Variants in MEIS2 observed in about 807,000 individuals in gnomAD.
MEIS2 encodes the protein homeobox protein Meis2.
A neutral mutation model predicts 58.6 loss-of-function variants in MEIS2; 9 were observed. That is an observed-to-expected ratio of 0.15 (90% CI 0.09 to 0.27). The LOEUF (loss-of-function observed/expected upper bound fraction) is 0.27, where lower values mean the gene tolerates loss of function less well. Ranked by LOEUF, MEIS2 falls within the 10% of genes least tolerant of loss-of-function variation. MEIS2 has a pLI of 1.00. For missense variants in MEIS2, 427 were observed against 635.0 expected, an observed-to-expected ratio of 0.67 and a Z score of 3.52; for synonymous variants, 221 against 228.4, an observed-to-expected ratio of 0.97 and a Z score of 0.29.
At chr15:37,065,111 T>G (rs181786769) in intron 7 of MEIS2, among the ~76,000 whole-genome samples, 2 of 152,156 alleles carry the variant, frequency 1.3e-5, no homozygotes, top group Non-Finnish European at 2.9e-5. Flanking sequence ...AGTACTTACA[T>G]AGTCTCAATT....
At chr15:37,018,866 T>C (rs538369165) in intron 8 of MEIS2, among the ~76,000 whole-genome samples, 3 of 152,254 alleles carry the variant, frequency 2.0e-5, no homozygotes, top group South Asian at 4.1e-4. Flanking sequence ...GGCCAGGGAA[T>C]GGAGAAGTCT....
chr15:37,042,298 G>C (rs747593309), intron 7 of MEIS2, among the ~76,000 whole-genome samples: 7 of 152,214 alleles, frequency 4.6e-5, no homozygotes, highest in Non-Finnish European at 1.0e-4. Context: ...GATGTGCTAT[G>C]ATGAGTCTGA....
At chr15:37,094,386 G>A in intron 5 of MEIS2, 141 bp downstream of exon 5, 3 of 754,718 alleles carry the variant, frequency 4.0e-6, no homozygotes, top group South Asian at 2.0e-5. Flanking sequence ...GTTGAGAAGC[G>A]AGTTGAAGGA....
intron 1 of MEIS2, 45 bp from the exon 2 acceptor site, chr15:37,098,244 G>A: frequency 1.3e-6 from 2 of 1,515,600 alleles, no homozygotes; most frequent in Non-Finnish European, 1.8e-6. Flanking sequence ...AGGTGAGGGA[G>A]AACAGAGGAG....
intron 8 of MEIS2, among the ~76,000 whole-genome samples, chr15:36,952,926 T>TA (rs1567098954): frequency 6.6e-6 from 1 of 152,016 alleles, no homozygotes; most frequent in African/African-American, 2.4e-5. Context: ...CCACAATCAT[T>TA]AAAAAAATTG....
intron 2 of MEIS2, 134 bp downstream of exon 2, chr15:37,097,833 T>C (rs1209107593): frequency 7.4e-7 from 1 of 1,350,286 alleles, no homozygotes; most frequent in African/African-American, 1.5e-5. Context: ...GGTCCCTTCC[T>C]AAGGCAAGCG....
At chr15:37,099,425 T>A in intron 1 of MEIS2, 30 bp downstream of exon 1, 1 of 1,614,090 alleles carries the variant, frequency 6.2e-7, no homozygotes, top group Non-Finnish European at 8.5e-7. Flanking sequence ...AGGATTTATA[T>A]CTAGGTAAGT....
chr15:36,941,784 T>A (rs1315100926), intron 9 of MEIS2, among the ~76,000 whole-genome samples: 1 of 152,196 alleles, frequency 6.6e-6, no homozygotes, highest in Non-Finnish European at 1.5e-5. Context: ...GGAAGACCCA[T>A]TCCTTCCTCA....
chr15:36,934,330 A>T (rs2058086455), intron 9 of MEIS2, among the ~76,000 whole-genome samples: 1 of 152,168 alleles, frequency 6.6e-6, no homozygotes, highest in Non-Finnish European at 1.5e-5. Context: ...GTCAGGCTGA[A>T]GGCACAAAGC....
rs1894642502 is a variant in MEIS2, at chr15:37,098,418, GAGAGA to G, written c.13-224_13-220del. 4.4e-6 allele frequency: 5 copies of G among 1,136,492 alleles called. No homozygotes were observed. The African/African-American group carries it at 6.6e-5, about 15-fold the overall frequency. 70.4% of individuals were successfully genotyped at this position (1,136,492 alleles called of 1,614,324 possible). On this transcript the variant is annotated intron_variant, in intron 1 of 11. Transcript: ENST00000561208. Reference sequence around the variant, plus strand: ...AGAGAGAGAGAGAGAGAGAGAGAGAGAGAGAGAAAATAAAAATAAAAACAAAGTCA... The same window carrying G: ...AGAGAGAGAGAGAGAGAGAGAGAGAGGAAAATAAAAATAAAAACAAAGTCA...
intron 9 of MEIS2, among the ~76,000 whole-genome samples, chr15:36,939,491 T>C (rs938950403): frequency 6.6e-6 from 1 of 152,184 alleles, no homozygotes; most frequent in Non-Finnish European, 1.5e-5. Context: ...TCTTTGCAAG[T>C]GTTGCTATTG....
chr15:36,951,245 C>A (rs1311281962), intron 8 of MEIS2, among the ~76,000 whole-genome samples: 1 of 152,064 alleles, frequency 6.6e-6, no homozygotes, highest in African/African-American at 2.4e-5. Context: ...TAGTTTAGAC[C>A]CATACCTTTA....
chr15:37,009,249 A>G (rs1291605595), intron 8 of MEIS2, among the ~76,000 whole-genome samples: 9 of 152,214 alleles, frequency 5.9e-5, no homozygotes, highest in South Asian at 2.1e-4. Flanking sequence ...AGATCGCGCC[A>G]CTGCACTCCA....
At chr15:37,091,841 C>A (rs1053043214) in intron 6 of MEIS2, among the ~76,000 whole-genome samples, 5 of 152,010 alleles carry the variant, frequency 3.3e-5, no homozygotes, top group African/African-American at 1.2e-4. Context: ...CTTTTGGCTC[C>A]GAGAACTGTG....
intron 9 of MEIS2, among the ~76,000 whole-genome samples, chr15:36,944,388 A>G (rs1385294814): frequency 6.6e-6 from 1 of 152,120 alleles, no homozygotes; most frequent in African/African-American, 2.4e-5. Flanking sequence ...CTGGACAGAG[A>G]TGCAAAGAGA....
At chr15:36,997,920 C>T (rs1216131088) in intron 8 of MEIS2, among the ~76,000 whole-genome samples, 4 of 152,204 alleles carry the variant, frequency 2.6e-5, no homozygotes, top group South Asian at 4.1e-4. Context: ...TGACCGAGGT[C>T]AGGCTGAAAC....
At chr15:36,992,022 C>A (rs1441982407) in intron 8 of MEIS2, among the ~76,000 whole-genome samples, 1 of 149,102 alleles carries the variant, frequency 6.7e-6, no homozygotes. Context: ...CTCCTGACCT[C>A]GTGATCCGCC....
At chr15:37,048,820 G>GA (rs1206333450) in intron 7 of MEIS2, among the ~76,000 whole-genome samples, 1 of 152,062 alleles carries the variant, frequency 6.6e-6, no homozygotes, top group Admixed American at 6.6e-5. Flanking sequence ...GTTACCTATA[G>GA]AAAAAATGAA....
intron 8 of MEIS2, among the ~76,000 whole-genome samples, chr15:37,033,713 G>T (rs1278019449): frequency 6.6e-6 from 1 of 152,178 alleles, no homozygotes; most frequent in Non-Finnish European, 1.5e-5. Flanking sequence ...GGCATCTCTA[G>T]TTCCAAGGAC....
Sources: gnomAD v4.1 joint callset for allele counts (sites outside exome capture counted in the v4.1 genomes callset) on GRCh38, gnomAD v4.1.1 for gene constraint, MANE v1.5 for transcripts, NCBI Gene and HGNC (gene_info 2026-07-23, HGNC 2026-07-21) for gene names.